Variants in DIP2A observed in about 807,000 individuals in gnomAD.
The protein encoded by DIP2A is disco-interacting protein 2 homolog A.
Under a neutral mutation model 177.4 loss-of-function variants are expected in DIP2A, and 85 were observed. That is an observed-to-expected ratio of 0.48 (90% CI 0.40 to 0.57). The LOEUF is 0.57. Ranked by LOEUF, DIP2A falls within the 20% of genes least tolerant of loss-of-function variation. The pLI, the probability that DIP2A is intolerant of heterozygous loss-of-function variation, is 0.00. For missense variants in DIP2A, 1,791 were observed against 2,100.2 expected, an observed-to-expected ratio of 0.85 and a Z score of 2.88; for synonymous variants, 886 against 881.8, an observed-to-expected ratio of 1.00 and a Z score of -0.08.
At chr21:46,534,260 G>A (rs2059469716) in intron 12 of DIP2A, 147 bp downstream of exon 12, 1 of 681,200 alleles carries the variant, frequency 1.5e-6, no homozygotes, top group African/African-American at 1.8e-5. Context: ...AATACAGAGT[G>A]TCATATAAAT....
Position 46,459,049 on chromosome 21 carries a change from G to GGA in DIP2A, c.-81_-80dup. Reference sequence around the variant, plus strand: ...GCGGATGTAGGTTGTTGGCCTGAGGGGAGCTACGTAGCCGAGGTTTGCGCT... The same window carrying GGA: ...GCGGATGTAGGTTGTTGGCCTGAGGGGAGAGCTACGTAGCCGAGGTTTGCGCT... On this transcript the variant is annotated 5_prime_UTR_variant, in exon 1 of 38. Transcript: ENST00000417564. The GGA allele has an allele frequency of 8.6e-7, 1 of 1,165,498 alleles. No individual in the cohort carries two copies. Among genetic ancestry groups the GGA allele is most frequent in the South Asian group, 1.8e-5 (1 of 55,692 alleles). The allele number at this position is 1,165,498 out of a possible 1,614,324, so 72.2% of individuals were successfully genotyped here. A position where few individuals can be genotyped will look rare whatever the true frequency, so the allele number is the denominator to read the frequency against.
intron 2 of DIP2A, among the ~76,000 whole-genome samples, chr21:46,485,963 C>T (rs911491003): frequency 1.2e-4 from 18 of 147,358 alleles, no homozygotes; most frequent in Admixed American, 9.1e-4. Flanking sequence ...TCCAGCTGCT[C>T]GGGAGGCTGA....
Position 46,561,761 on chromosome 21 carries a change from G to C in DIP2A, c.4045G>C (p.Glu1349Gln). 1.2e-6 allele frequency: 2 copies of C among 1,613,980 alleles called. No individual in the cohort carries two copies. Among genetic ancestry groups the C allele is most frequent in the Non-Finnish European group, 1.7e-6 (2 of 1,179,888 alleles). The change falls in exon 34 of 38, where the codon GAA becomes CAA. Residue 1349 changes from glutamate (E) to glutamine (Q), a missense_variant. Physicochemically the swap from Glu to Gln is conservative, Grantham distance 29. Transcript: ENST00000417564. ...CTTAATTTTTAGGGTTCGTTTGGTA[G>C]AACGGGGTTCTCCGCACAGCCTGCC... ...ALRHDRVRLVERGSPHSLPLM... is the reference protein window; with the variant it reads ...ALRHDRVRLVQRGSPHSLPLM...
At chr21:46,485,997 G>A (rs977359655) in intron 2 of DIP2A, among the ~76,000 whole-genome samples, 1 of 150,570 alleles carries the variant, frequency 6.6e-6, no homozygotes, top group Non-Finnish European at 1.5e-5. Context: ...CTTGAACCTG[G>A]GAGGTGGAGG....
intron 16 of DIP2A, 39 bp from the exon 17 acceptor site, chr21:46,539,817 ACCCCTTCCCTGCTGGCCCCCC>A (rs1373164832): frequency 5.1e-6 from 7 of 1,385,000 alleles, no homozygotes; most frequent in Non-Finnish European, 7.2e-6. Flanking sequence ...ATGTCCAGCC[ACCCCTTCCCTGCTGGCCCCCC>A]AGTTAGTGCT....
chr21:46,486,092 GAACTA>G (rs939372331), intron 2 of DIP2A, among the ~76,000 whole-genome samples: 2 of 88,476 alleles, frequency 2.3e-5, no homozygotes, highest in Non-Finnish European at 4.0e-5. Flanking sequence ...AAAAAAAAAA[GAACTA>G]AAGAACTAGT....
At chr21:46,555,891 C>T in intron 28 of DIP2A, 91 bp from the exon 29 acceptor site, 2 of 979,050 alleles carry the variant, frequency 2.0e-6, no homozygotes, top group East Asian at 2.4e-5. Flanking sequence ...CTCCCAAGGA[C>T]AAATCATGTG....
chr21:46,537,666 C>A lies in DIP2A; in HGVS notation c.1801+127C>A. The stretch of plus-strand genomic sequence containing the variant: ...AGATGTAGGCTGAAGAGCTGTGGGA[C>A]GTCTTTCTTGGTCACACCCCTGCCC... On this transcript the variant is annotated intron_variant, in intron 15 of 37. Transcript: ENST00000417564. The surrounding 1 kb of genome is among the most constrained non-coding windows in gnomAD (Gnocchi z 4.1). The A allele has an allele frequency of 1.1e-6, 1 of 935,030 alleles. No individual in the cohort carries two copies. 57.9% of individuals were successfully genotyped at this position (935,030 alleles called of 1,614,324 possible).
At chr21:46,490,018 C>T (rs1308616627) in intron 2 of DIP2A, among the ~76,000 whole-genome samples, 2 of 152,186 alleles carry the variant, frequency 1.3e-5, no homozygotes, top group Non-Finnish European at 2.9e-5. Context: ...GCGGCGAGGG[C>T]AGCTGGCCCG....
chr21:46,550,464 G>GGGAT, intron 22 of DIP2A, 79 bp from the exon 23 acceptor site: 1 of 1,374,208 alleles, frequency 7.3e-7, no homozygotes, highest in Non-Finnish European at 1.0e-6. Context: ...GTCCACAGAG[G>GGGAT]GGATGTTCCT....
Position 46,459,215 on chromosome 21 carries a change from G to A in DIP2A, c.84G>A (p.Leu28=). 1 of 1,524,166 alleles carries A rather than the reference G, an allele frequency of 6.6e-7. No individual in the cohort carries two copies. The highest frequency in any genetic ancestry group is 8.8e-7 in the Non-Finnish European group (1 of 1,136,538). 94.4% of individuals were successfully genotyped at this position (1,524,166 alleles called of 1,614,324 possible). A position where few individuals can be genotyped will look rare whatever the true frequency, so the allele number is the denominator to read the frequency against. Residue 28 remains leucine, a synonymous_variant, in exon 1 of 38, where the codon CTG becomes CTA. Coordinates refer to ENST00000417564, the MANE Select transcript of DIP2A (RefSeq NM_015151.4). ...GCCTGGCTGAGCTGGAGCTGGAGCT[G>A]TCGGAAGGTGAGCCGGACCCCGCCC... is the stretch of plus-strand genomic sequence containing the variant. ...RESLAELELE[L]SEGDITQKGY... is the part of the protein sequence containing the mutation.
At chr21:46,565,188 C>CA (rs1298609480) in intron 35 of DIP2A, among the ~76,000 whole-genome samples, 1 of 148,116 alleles carries the variant, frequency 6.8e-6, no homozygotes, top group Non-Finnish European at 1.5e-5. Context: ...AGGGTGCACA[C>CA]AAACACGTGG....
At chr21:46,564,605 T>C (rs1265608017) in intron 35 of DIP2A, among the ~76,000 whole-genome samples, 1 of 152,226 alleles carries the variant, frequency 6.6e-6, no homozygotes, top group Admixed American at 6.5e-5. Context: ...TTCCTAGTCC[T>C]ATCCTCTTGG....
At position 46,557,237 on chromosome 21, in the gene DIP2A, G is replaced by C; in HGVS notation, c.3629+168G>C. ...TTGGAGTCTGAGTCTGAAATTGAGTGAAAATACATTTTTCATTAAATACAC... is the reference window on the plus strand; with the variant it reads ...TTGGAGTCTGAGTCTGAAATTGAGTCAAAATACATTTTTCATTAAATACAC... On this transcript the variant is annotated intron_variant, in intron 30 of 37. Transcript: ENST00000417564. The surrounding 1 kb of genome is among the most constrained non-coding windows in gnomAD (Gnocchi z 6.0). 1.3e-6 allele frequency: 1 copy of C among 746,006 alleles called. No homozygotes were observed. The highest frequency in any genetic ancestry group is 2.1e-6 in the Non-Finnish European group (1 of 475,456). 46.2% of individuals were successfully genotyped at this position (746,006 alleles called of 1,614,324 possible). A position where few individuals can be genotyped will look rare whatever the true frequency, so the allele number is the denominator to read the frequency against.
At chr21:46,507,857 C>T (rs1300317223) in intron 6 of DIP2A, among the ~76,000 whole-genome samples, 2 of 151,730 alleles carry the variant, frequency 1.3e-5, no homozygotes, top group African/African-American at 4.8e-5. Flanking sequence ...ACTGCCACCA[C>T]ACTTGGCTAA....
chr21:46,538,531 C>T lies in DIP2A; in HGVS notation c.1850C>T (p.Ala617Val). Residue 617 changes from alanine (A) to valine (V), a missense_variant, in exon 16 of 38, where the codon GCT becomes GTT. Coordinates refer to ENST00000417564, the MANE Select transcript of DIP2A (RefSeq NM_015151.4). Reference sequence around the variant, plus strand: ...CGAGACATGCACTGGTCTCTCCTAGCTCAGCGGGGCCAGAGGGACGTCAGC... The same window carrying T: ...CGAGACATGCACTGGTCTCTCCTAGTTCAGCGGGGCCAGAGGGACGTCAGC... The part of the protein sequence containing the change: ...KSRDMHWSLL[A>V]QRGQRDVSLS... 6.4e-7 allele frequency: 1 copy of T among 1,561,196 alleles called. No individual in the cohort carries two copies. The highest frequency in any genetic ancestry group is 8.7e-7 in the Non-Finnish European group (1 of 1,155,428).
rs370266381 is a variant in DIP2A, at chr21:46,559,433, C to T, written c.3969+1040C>T. 5.3e-5 allele frequency among the ~76,000 whole-genome samples: 8 copies of T among 152,326 alleles called. No homozygotes were observed. The East Asian group carries it at 7.7e-4, about 15-fold the overall frequency. ...GCCTCCCCATCACAGTGGCAGTGCACGCAGGGCAGGGCGGGGGCTCTGCTC... is the reference window on the plus strand; with the variant it reads ...GCCTCCCCATCACAGTGGCAGTGCATGCAGGGCAGGGCGGGGGCTCTGCTC... On this transcript the variant is annotated intron_variant, in intron 32 of 37. Coordinates refer to ENST00000417564, the MANE Select transcript of DIP2A (RefSeq NM_015151.4).
chr21:46,572,899 T>C (rs1428105250), downstream of DIP2A, among the ~76,000 whole-genome samples: 2 of 152,214 alleles, frequency 1.3e-5, no homozygotes, highest in African/African-American at 4.8e-5. Flanking sequence ...TGCATTACAA[T>C]TGCCTACAGT....
intron 23 of DIP2A, among the ~76,000 whole-genome samples, chr21:46,550,971 A>G (rs1362527646): frequency 2.6e-5 from 4 of 152,154 alleles, no homozygotes; most frequent in Non-Finnish European, 5.9e-5. Flanking sequence ...GGTGGTTTCC[A>G]CCTGCCTGTT....
Sources: gnomAD v4.1 joint callset for allele counts (sites outside exome capture counted in the v4.1 genomes callset) on GRCh38, gnomAD v4.1.1 for gene constraint, Gnocchi (gnomAD v3.1) non-coding constraint, MANE v1.5 for transcripts, NCBI Gene and HGNC (gene_info 2026-07-23, HGNC 2026-07-21) for gene names.